The following ZNF385C variants were observed in gnomAD, a reference collection of about 807,000 sequenced individuals.
The protein encoded by ZNF385C is CTD-2132N18.2.
In ZNF385C, 28 loss-of-function variants were observed where a neutral mutation model predicts 35.4. That is an observed-to-expected ratio of 0.79 (90% CI 0.59 to 1.08). ZNF385C has a LOEUF of 1.08. ZNF385C is among the 50% of genes least tolerant of loss of function. The probability of loss-of-function intolerance (pLI) is 0.00; values close to 1 mark genes in which losing one functional copy is unlikely to be tolerated. For synonymous variants in ZNF385C, 248 were observed against 248.2 expected (o/e 1.00, Z 0.01); for missense variants, 605 against 595.6 (o/e 1.02, Z -0.16).
chr17:42,047,651 C>T (rs1313754908), intron 2 of ZNF385C, among the ~76,000 whole-genome samples: 1 of 151,814 alleles, frequency 6.6e-6, no homozygotes, highest in Non-Finnish European at 1.5e-5. Context: ...TGGCCCTCTT[C>T]CTTGGGACTT....
intron 1 of ZNF385C, among the ~76,000 whole-genome samples, chr17:42,069,854 C>G (rs554294443): frequency 3.6e-4 from 54 of 151,906 alleles, no homozygotes; most frequent in Non-Finnish European, 8.8e-5. Context: ...ACCAGCCTGG[C>G]CAACATGGTG....
rs749735818 is a variant in ZNF385C, at chr17:42,091,593, C to T, written c.-3+6817G>A. ...CCACCTTCTTGGGGCTTGGCTCCCA[C>T]GTGTGGCTTCAGGCCAGGCTATTTG... On this transcript the variant is annotated intron_variant, in intron 1 of 8. Coordinates refer to ENST00000692273, the MANE Select transcript of ZNF385C (RefSeq NM_001392013.1). Among the ~76,000 whole-genome samples, 129 of 152,228 alleles carry T rather than the reference C, an allele frequency of 8.5e-4. 1 individual carries two copies. Among genetic ancestry groups the T allele is most frequent in the Non-Finnish European group, 1.3e-3 (90 of 68,034 alleles).
intron 2 of ZNF385C, among the ~76,000 whole-genome samples, chr17:42,058,212 C>T (rs2053410018): frequency 6.6e-6 from 1 of 152,186 alleles, no homozygotes; most frequent in Admixed American, 6.5e-5. Context: ...CTCCCTCCCA[C>T]AGATGGCCTC....
At chr17:42,040,713 G>GT (rs2052997862) in intron 2 of ZNF385C, 1 of 1,232,396 alleles carries the variant, frequency 8.1e-7, no homozygotes. Context: ...TAGCTGCAAG[G>GT]TCCAGTGCTG....
At chr17:42,071,632 C>T (rs1172780029) in intron 1 of ZNF385C, among the ~76,000 whole-genome samples, 32 of 152,192 alleles carry the variant, frequency 2.1e-4, no homozygotes, top group Non-Finnish European at 4.4e-4. Flanking sequence ...ACCCCCTGTC[C>T]TTGCCTCTGC....
At chr17:42,070,077 G>T (rs2053602580) in intron 1 of ZNF385C, among the ~76,000 whole-genome samples, 1 of 151,950 alleles carries the variant, frequency 6.6e-6, no homozygotes, top group Non-Finnish European at 1.5e-5. Flanking sequence ...GGGCGCGGTG[G>T]CTCACGCCTG....
At chr17:42,057,688 T>C (rs1464516595) in intron 2 of ZNF385C, among the ~76,000 whole-genome samples, 2 of 152,070 alleles carry the variant, frequency 1.3e-5, no homozygotes, top group Non-Finnish European at 2.9e-5. Context: ...CTCACGCCTA[T>C]AATCCCAGCA....
chr17:42,045,717 G>A (rs1440263996), intron 2 of ZNF385C, among the ~76,000 whole-genome samples: 1 of 152,022 alleles, frequency 6.6e-6, no homozygotes, highest in Non-Finnish European at 1.5e-5. Context: ...CAGCTGCCTC[G>A]GTCTCTGCAT....
At chr17:42,042,641 C>T (rs1333239263) in intron 2 of ZNF385C, among the ~76,000 whole-genome samples, 3 of 152,198 alleles carry the variant, frequency 2.0e-5, no homozygotes, top group Admixed American at 6.5e-5. Context: ...CCTGGTCTGG[C>T]CTCTTCACTG....
chr17:42,040,293 G>A (rs1567986591), intron 2 of ZNF385C: 5 of 1,231,676 alleles, frequency 4.1e-6, no homozygotes, highest in East Asian at 6.3e-5. Context: ...CCGCAGCCTC[G>A]GAGTAACCGA....
intron 3 of ZNF385C, among the ~76,000 whole-genome samples, chr17:42,035,757 T>C (rs2052841796): frequency 6.6e-6 from 1 of 151,914 alleles, no homozygotes; most frequent in Admixed American, 6.6e-5. Flanking sequence ...TTCACCATGT[T>C]GGCCAGGCTG....
intron 1 of ZNF385C, among the ~76,000 whole-genome samples, chr17:42,092,003 GGC>G: frequency 6.6e-6 from 1 of 152,304 alleles, no homozygotes; most frequent in Admixed American, 6.5e-5. Context: ...AAGGAGCCCT[GGC>G]TGTGAGGGGT....
intron 5 of ZNF385C, 149 bp from the exon 6 acceptor site, chr17:42,029,222 C>A (rs1383082735): frequency 7.4e-6 from 7 of 950,424 alleles, no homozygotes; most frequent in African/African-American, 3.3e-5. Context: ...ACTGGGCAGA[C>A]TTGGGCCTCA....
At chr17:42,096,997 C>T (rs1310521084) in intron 1 of ZNF385C, among the ~76,000 whole-genome samples, 8 of 150,802 alleles carry the variant, frequency 5.3e-5, no homozygotes, top group African/African-American at 1.9e-4. Flanking sequence ...AAAAAAAACC[C>T]TTCCACTCCC....
In ZNF385C at chr17:42,039,863, G is replaced by A. The variant is rs540557902; in HGVS notation, c.251-1978C>T. 9.0e-3 allele frequency: 11,061 copies of A among 1,230,580 alleles called. 59 individuals carry two copies. The highest frequency in any genetic ancestry group is 0.01 in the Non-Finnish European group (10,249 of 987,442). The allele number at this position is 1,230,580 out of a possible 1,614,324, so 76.2% of individuals were successfully genotyped here. A position where few individuals can be genotyped will look rare whatever the true frequency, so the allele number is the denominator to read the frequency against. ...CCGGCCCCACTCTGCCCCCACCACC[G>A]CAGCTCCCGGCTGCGGCCGACCTTG... On this transcript the variant is annotated intron_variant, in intron 2 of 8. Coordinates refer to ENST00000692273, the MANE Select transcript of ZNF385C (RefSeq NM_001392013.1).
intron 1 of ZNF385C, among the ~76,000 whole-genome samples, chr17:42,083,772 G>A (rs1223539474): frequency 1.3e-4 from 15 of 118,906 alleles, no homozygotes; most frequent in African/African-American, 4.6e-4. Context: ...AGGCTGGAGT[G>A]CAATGGTGCG....
At chr17:42,072,791 AAG>A (rs1403785085) in intron 1 of ZNF385C, among the ~76,000 whole-genome samples, 2 of 151,854 alleles carry the variant, frequency 1.3e-5, no homozygotes, top group Non-Finnish European at 2.9e-5. Flanking sequence ...GGGTGGGAGG[AAG>A]AGAGGGGAGA....
Position 42,089,792 on chromosome 17 carries a change from C to T in ZNF385C, c.-3+8618G>A, listed in dbSNP as rs113993853. On this transcript the variant is annotated intron_variant, in intron 1 of 8. Coordinates refer to ENST00000692273, the MANE Select transcript of ZNF385C (RefSeq NM_001392013.1). ...AGCAGAATGTGTACGGAATCGATGC[C>T]GATGAAAACAGTTTCAGTAAAATTA... 8.6e-3 allele frequency among the ~76,000 whole-genome samples: 1,308 copies of T among 151,974 alleles called. 6 individuals carry two copies. The highest frequency in any genetic ancestry group is 0.014 in the Non-Finnish European group (983 of 67,990).
intron 4 of ZNF385C, among the ~76,000 whole-genome samples, chr17:42,033,064 T>C (rs2052767392): frequency 1.3e-5 from 2 of 152,170 alleles, no homozygotes; most frequent in South Asian, 4.1e-4. Context: ...CCAGAAGGCC[T>C]GAAGGGAATC....
Sources: allele counts gnomAD v4.1 joint callset (sites outside exome capture counted in the v4.1 genomes callset), GRCh38; gene constraint gnomAD v4.1.1; transcripts MANE v1.5; gene names NCBI Gene and HGNC (gene_info 2026-07-23, HGNC 2026-07-21).